BUB1: variants seen among roughly 807,000 people sequenced by gnomAD.
BUB1 encodes the protein mitotic checkpoint serine/threonine-protein kinase BUB1.
In BUB1, 84 loss-of-function variants were observed where a neutral mutation model predicts 135.2. That is an observed-to-expected ratio of 0.62 (90% CI 0.52 to 0.74). BUB1 has a LOEUF of 0.74. BUB1 is among the 30% of genes least tolerant of loss of function. The pLI, the probability that BUB1 is intolerant of heterozygous loss-of-function variation, is 0.00. For synonymous variants in BUB1, 403 were observed against 434.4 expected (o/e 0.93, Z 0.90); for missense variants, 1,162 against 1,288.3 (o/e 0.90, Z 1.50).
At chr2:110,663,424 G>A (rs979359896) in intron 9 of BUB1, among the ~76,000 whole-genome samples, 32 of 152,264 alleles carry the variant, frequency 2.1e-4, no homozygotes, top group African/African-American at 7.5e-4. Context: ...AATCAATGGG[G>A]AAAGGCTGAG....
In BUB1 at chr2:110,648,177, T is replaced by C. The variant is rs1689692018; in HGVS notation, c.2347+1057A>G. Among the ~76,000 whole-genome samples, 1 of 151,858 alleles carries C rather than the reference T, an allele frequency of 6.6e-6. No individual in the cohort carries two copies. The highest frequency in any genetic ancestry group is 6.6e-5 in the Admixed American group (1 of 15,232). On this transcript the variant is annotated intron_variant, in intron 19 of 24. Transcript: ENST00000302759. This position sits in a 1 kb window ranked among gnomAD's most constrained non-coding sequence, Gnocchi z 4.2. ...TTAGATGAGTGGAAAGGTTTAACGG[T>C]GTGGTACATTCATGCACTAAACATT...
intron 18 of BUB1, among the ~76,000 whole-genome samples, chr2:110,649,711 G>A (rs1689730935): frequency 1.3e-5 from 2 of 152,154 alleles, no homozygotes; most frequent in African/African-American, 4.8e-5. Context: ...AAGGGCAGAT[G>A]TGGACATTAG....
chr2:110,668,643 G>A (rs968506214), intron 6 of BUB1, among the ~76,000 whole-genome samples: 3 of 152,176 alleles, frequency 2.0e-5, no homozygotes, highest in African/African-American at 7.2e-5. Context: ...GAAGAAGAGA[G>A]ACTTGAGCAT....
At position 110,655,878 on chromosome 2, in the gene BUB1, T is replaced by G. The variant is rs781287349; in HGVS notation, c.1737A>C (p.Ser579=). ...TGTTGCAGCGAATACCCCATACAGT[T>G]GAGTCATCCAAAAACTCTTCAGCAT... ...VPHAEEFLDD[S]TVWGIRCNKT... is the part of the protein sequence containing the mutation. The change falls in exon 16 of 25, where the codon TCA becomes TCC. Residue 579 remains serine, a synonymous_variant. Transcript: ENST00000302759. The G allele has an allele frequency of 6.2e-7, 1 of 1,613,804 alleles. No homozygotes were observed. The highest frequency in any genetic ancestry group is 8.5e-7 in the Non-Finnish European group (1 of 1,179,808).
rs748962107 is a variant in BUB1 at position 110,667,590 on chromosome 2, C to G, written c.736G>C (p.Glu246Gln). 4.3e-6 allele frequency: 7 copies of G among 1,613,962 alleles called. No individual in the cohort carries two copies. In the South Asian group the frequency reaches 6.6e-5, roughly 15 times the overall value. Residue 246 changes from glutamate to glutamine, a missense_variant, in exon 8 of 25, where the codon GAA (glutamate) becomes CAA (glutamine). By Grantham distance (29) the Glu-to-Gln change is conservative. Coordinates refer to ENST00000302759, the MANE Select transcript of BUB1 (RefSeq NM_004336.5). ...MYCKEKLIRG[E>Q]SEFSFEELRA... ...AATTCTTCAAAGGAAAATTCTGATTCCCCACGAATAAGCTTCTCCTTGCAA... is the reference window on the plus strand; with the variant it reads ...AATTCTTCAAAGGAAAATTCTGATTGCCCACGAATAAGCTTCTCCTTGCAA...
intron 2 of BUB1, 36 bp from the exon 3 acceptor site, chr2:110,674,260 G>A (rs981120676): frequency 1.2e-6 from 2 of 1,612,360 alleles, no homozygotes; most frequent in East Asian, 2.2e-5. Flanking sequence ...TTTCCATGGG[G>A]CAGTGTATAG....
chr2:110,661,314 T>C (rs1026543828), intron 10 of BUB1: 9 of 429,222 alleles, frequency 2.1e-5, no homozygotes, highest in Non-Finnish European at 3.7e-5. Context: ...TATTCTTCAG[T>C]TACAAAGTGA....
Position 110,639,837 on chromosome 2 carries a change from A to G in BUB1, c.2967T>C (p.Phe989=). 1 of 1,613,066 alleles carries G rather than the reference A, an allele frequency of 6.2e-7. No individual in the cohort carries two copies. The highest frequency in any genetic ancestry group is 8.5e-7 in the Non-Finnish European group (1 of 1,179,024). ...NKPWNYQIDY[F]GVAATVYCML... ...TGCAATATACTGTTGCAGCAACCCC[A>G]AAGTAATCGATCTATGAAGAAGATA... Residue 989 remains phenylalanine, a synonymous_variant, in exon 24 of 25, where the codon TTT becomes TTC. Transcript: ENST00000302759.
intron 3 of BUB1, 74 bp from the exon 4 acceptor site, chr2:110,672,931 C>A: frequency 7.0e-7 from 1 of 1,421,734 alleles, no homozygotes; most frequent in Admixed American, 2.6e-5. Context: ...AGTTAGCCAG[C>A]TAAGCTGGGA....
At chr2:110,661,925 A>G in intron 9 of BUB1, 84 bp from the exon 10 acceptor site, 1 of 1,493,530 alleles carries the variant, frequency 6.7e-7, no homozygotes, top group Non-Finnish European at 9.1e-7. Flanking sequence ...TTCTCAAAGC[A>G]TGGCATCTGT....
chr2:110,649,411 A>G lies in BUB1; in HGVS notation c.2204-34T>C, dbSNP rs750612511. ...AATGAGAAAAAAAAAAAAAAAGGGA[A>G]CATGAATTGAGTACTCAAGAACTTT... On this transcript the variant is annotated intron_variant, in intron 18 of 24. Transcript: ENST00000302759. The G allele has an allele frequency of 1.4e-5, 22 of 1,529,884 alleles. No individual in the cohort carries two copies. In the South Asian group the frequency reaches 2.6e-4, roughly 18 times the overall value. The allele number at this position is 1,529,884 out of a possible 1,614,324, so 94.8% of individuals were successfully genotyped here.
chr2:110,668,033 T>G (rs947060064), intron 6 of BUB1, among the ~76,000 whole-genome samples, 184 bp from the exon 7 acceptor site: 1 of 152,206 alleles, frequency 6.6e-6, no homozygotes, highest in African/African-American at 2.4e-5. Flanking sequence ...TTACAATAAC[T>G]ATTGTAACTT....
chr2:110,641,693 G>GA lies in BUB1; in HGVS notation c.2573dup (p.Gln859ProfsTer21). The GA allele has an allele frequency of 6.2e-7, 1 of 1,613,190 alleles. No homozygotes were observed. The highest frequency in any genetic ancestry group is 8.5e-7 in the Non-Finnish European group (1 of 1,179,852). The stretch of plus-strand genomic sequence containing the variant: ...CTCCTACTAATACACTGCCATTCTG[G>GA]AATAAGTGGGCAGAATAGAACTTCA... On this transcript the variant is annotated frameshift_variant, in exon 21 of 25. Coordinates refer to ENST00000302759, the MANE Select transcript of BUB1 (RefSeq NM_004336.5). LOFTEE classifies it high-confidence loss of function.
rs554794458 is a variant in BUB1, at chr2:110,641,058, G to T, written c.2931C>A (p.Leu977=). 2.5e-6 allele frequency: 4 copies of T among 1,592,492 alleles called. No individual in the cohort carries two copies. Among genetic ancestry groups the T allele is most frequent in the East Asian group, 4.5e-5 (2 of 44,622 alleles). The part of the protein sequence containing the change: ...ETSGFQCVEM[L]SNKPWNYQID... ...CCTGGTAGTTCCATGGTTTGTTGCTGAGCATCTCAACACACTGAAAACCAG... is the reference window on the plus strand; with the variant it reads ...CCTGGTAGTTCCATGGTTTGTTGCTTAGCATCTCAACACACTGAAAACCAG... Residue 977 remains leucine, a synonymous_variant, in exon 23 of 25, where the codon CTC becomes CTA. Coordinates refer to ENST00000302759, the MANE Select transcript of BUB1 (RefSeq NM_004336.5).
At chr2:110,640,683 T>G (rs925897335) in intron 23 of BUB1, among the ~76,000 whole-genome samples, 1 of 152,186 alleles carries the variant, frequency 6.6e-6, no homozygotes, top group East Asian at 1.9e-4. Context: ...TATCCCTGAT[T>G]TAGGAAATTG....
chr2:110,649,391 G>GAAAAAAAA lies in BUB1; in HGVS notation c.2204-22_2204-15dup, dbSNP rs375788995. On this transcript the variant is annotated splice_polypyrimidine_tract_variant and intron_variant, in intron 18 of 24. Transcript: ENST00000302759. ...CAACAATGAAGTCTTAAAGGAATGA[G>GAAAAAAAA]AAAAAAAAAAAAAAAGGGAACATGA... The GAAAAAAAA allele has an allele frequency of 1.8e-6, 2 of 1,128,728 alleles. No homozygotes were observed. Among genetic ancestry groups the GAAAAAAAA allele is most frequent in the African/African-American group, 2.6e-5 (1 of 37,956 alleles). The allele number at this position is 1,128,728 out of a possible 1,614,324, so 69.9% of individuals were successfully genotyped here.
Position 110,657,552 on chromosome 2 carries a change from T to C in BUB1, c.1610A>G (p.Asn537Ser), listed in dbSNP as rs1321192987. ...FHVFEDGNKE[N>S]YGLPQPKNKP... The stretch of plus-strand genomic sequence containing the variant: ...CTAGATGGTATTTTTTTACCCATAA[T>C]TTTCTTTGTTTCCATCTTCAAACAC... Residue 537 changes from asparagine to serine, a missense_variant, in exon 14 of 25, where the codon AAT becomes AGT. Transcript: ENST00000302759. 1 of 1,600,668 alleles carries C rather than the reference T, an allele frequency of 6.2e-7. No individual in the cohort carries two copies. Among genetic ancestry groups the C allele is most frequent in the Non-Finnish European group, 8.5e-7 (1 of 1,173,216 alleles).
chr2:110,671,633 A>T (rs1430687717), intron 4 of BUB1, among the ~76,000 whole-genome samples: 1 of 152,194 alleles, frequency 6.6e-6, no homozygotes. Context: ...ACAAGTGTAA[A>T]AACTCTTCAT....
chr2:110,641,938 G>T lies in BUB1; in HGVS notation c.2464-135C>A, dbSNP rs72942112. The T allele has an allele frequency of 5.0e-3, 5,716 of 1,150,846 alleles. 205 individuals are homozygous for T. In the African/African-American group the frequency reaches 0.079, roughly 16 times the overall value. 71.3% of individuals were successfully genotyped at this position (1,150,846 alleles called of 1,614,324 possible). ...CTATGAACTGTTGCTGCAATGTGGG[G>T]CTTGCTCCAAGACAATTTTAGTGGG... On this transcript the variant is annotated intron_variant, in intron 20 of 24. Coordinates refer to ENST00000302759, the MANE Select transcript of BUB1 (RefSeq NM_004336.5).
Sources: allele counts gnomAD v4.1 joint callset (sites outside exome capture counted in the v4.1 genomes callset), GRCh38; gene constraint gnomAD v4.1.1; non-coding constraint Gnocchi (gnomAD v3.1); transcripts MANE v1.5; gene names NCBI Gene and HGNC (gene_info 2026-07-23, HGNC 2026-07-21).